The following ZNF638 variants were observed in gnomAD, a reference collection of about 807,000 sequenced individuals.
ZNF638 encodes the protein zinc finger protein 638, also known as CTCL tumor antigen se33-1.
ZNF638 carries 46 observed loss-of-function variants against 195.6 expected under a neutral mutation model. That is an observed-to-expected ratio of 0.24 (90% CI 0.19 to 0.30). ZNF638 has a LOEUF of 0.30. ZNF638 is among the 10% of genes least tolerant of loss of function. The pLI, the probability that ZNF638 is intolerant of heterozygous loss-of-function variation, is 1.00. For missense variants in ZNF638, 2,440 were observed against 2,325.3 expected (o/e 1.05, Z -1.01); for synonymous variants, 845 against 772.0 (o/e 1.09, Z -1.57).
intron 8 of ZNF638, among the ~76,000 whole-genome samples, chr2:71,370,977 G>A (rs2542516): frequency 0.92 from 139,439 of 152,132 alleles, 63,963 homozygotes; most frequent in African/African-American, 0.93. Context: ...TCTACCCCCT[G>A]TTACCCTTCC....
intron 14 of ZNF638, 115 bp downstream of exon 14, chr2:71,400,295 A>G (rs909348384): frequency 2.8e-6 from 3 of 1,060,936 alleles, no homozygotes; most frequent in Middle Eastern, 2.4e-4. Context: ...TGAAATTTTG[A>G]TCTCAGAATG....
intron 1 of ZNF638, among the ~76,000 whole-genome samples, chr2:71,339,978 C>A (rs1216738874): frequency 6.6e-6 from 1 of 152,154 alleles, no homozygotes; most frequent in Non-Finnish European, 1.5e-5. Flanking sequence ...AAAGGTATAT[C>A]TTACAATAGC....
At chr2:71,342,125 G>T (rs954478780) in intron 1 of ZNF638, among the ~76,000 whole-genome samples, 3 of 150,236 alleles carry the variant, frequency 2.0e-5, no homozygotes, top group African/African-American at 7.5e-5. Context: ...TGAGGCTGAG[G>T]CAGGAGAATC....
At chr2:71,339,443 G>A (rs541894779) in intron 1 of ZNF638, among the ~76,000 whole-genome samples, 51 of 152,234 alleles carry the variant, frequency 3.4e-4, no homozygotes, top group African/African-American at 1.2e-3. Flanking sequence ...GAGCCACCGC[G>A]CCCGGCCAGT....
At chr2:71,380,594 A>T (rs765638714) in intron 10 of ZNF638, 29 bp downstream of exon 10, 1 of 1,560,152 alleles carries the variant, frequency 6.4e-7, no homozygotes, top group Non-Finnish European at 8.8e-7. Flanking sequence ...TATTCTTTCA[A>T]ATGAGTGTAT....
rs976728800 is a variant in ZNF638 at position 71,347,573 on chromosome 2, C to T, written c.-202-1180C>T. On this transcript the variant is annotated intron_variant, in intron 1 of 27. Coordinates refer to ENST00000264447, the MANE Select transcript of ZNF638 (RefSeq NM_014497.5). The stretch of plus-strand genomic sequence containing the variant: ...TAGATGCCTCAAGACCTCACATTTT[C>T]CACCATGCATTTCAATCACACATAA... Among the ~76,000 whole-genome samples the T allele has an allele frequency of 2.4e-4, 37 of 152,198 alleles. 1 individual carries two copies. Among genetic ancestry groups the T allele is most frequent in the Non-Finnish European group, 1.5e-5 (1 of 68,040 alleles).
chr2:71,352,494 AT>A (rs70959233), intron 2 of ZNF638, among the ~76,000 whole-genome samples: 10,550 of 53,968 alleles, frequency 0.2, 393 homozygotes, highest in Non-Finnish European at 0.24. Flanking sequence ...AATAAAAAAA[AT>A]AAAAAAAAAA....
Position 71,423,981 on chromosome 2 carries a change from A to G in ZNF638, c.4467A>G (p.Gln1489=), listed in dbSNP as rs2080482893. Reference sequence around the variant, plus strand: ...TGGATTACAGAGATATAACAAAACAATCTCAGGAAACAGAGGCTAGACCTT... The same window carrying G: ...TGGATTACAGAGATATAACAAAACAGTCTCAGGAAACAGAGGCTAGACCTT... The part of the protein sequence containing the change: ...SKLDYRDITK[Q]SQETEARPSI... The change falls in exon 22 of 28, where the codon CAA becomes CAG. Residue 1489 remains glutamine (Q), a synonymous_variant. Transcript: ENST00000264447. 3.1e-6 allele frequency: 5 copies of G among 1,614,144 alleles called. No homozygotes were observed. The highest frequency in any genetic ancestry group is 4.2e-6 in the Non-Finnish European group (5 of 1,180,004).
chr2:71,339,660 TTTGTTG>T (rs869284202), intron 1 of ZNF638, among the ~76,000 whole-genome samples: 1 of 152,150 alleles, frequency 6.6e-6, no homozygotes, highest in Non-Finnish European at 1.5e-5. Context: ...TCCAGTGGCT[TTTGTTG>T]TTGTTGTTGT....
chr2:71,420,002 T>TTA, intron 21 of ZNF638, among the ~76,000 whole-genome samples: 1 of 126,838 alleles, frequency 7.9e-6, no homozygotes, highest in Non-Finnish European at 1.7e-5. Flanking sequence ...TTTTTTTTTT[T>TTA]TAACATTAGA....
intron 27 of ZNF638, among the ~76,000 whole-genome samples, 168 bp from the exon 28 acceptor site, chr2:71,434,574 C>T (rs1201726046): frequency 6.6e-6 from 1 of 152,150 alleles, no homozygotes; most frequent in African/African-American, 2.4e-5. Context: ...GTGTCATAAA[C>T]ATCAAATGAC....
At chr2:71,404,506 T>A (rs1178375189) in intron 17 of ZNF638, among the ~76,000 whole-genome samples, 3 of 152,080 alleles carry the variant, frequency 2.0e-5, no homozygotes, top group Non-Finnish European at 4.4e-5. Flanking sequence ...GCCCAGGACT[T>A]CAGGACCCAA....
chr2:71,397,424 A>G (rs2079915825), intron 11 of ZNF638, among the ~76,000 whole-genome samples: 1 of 152,170 alleles, frequency 6.6e-6, no homozygotes, highest in African/African-American at 2.4e-5. Context: ...TTGAGCAAAG[A>G]TTATGGACTG....
At chr2:71,342,510 T>C (rs1433633822) in intron 1 of ZNF638, among the ~76,000 whole-genome samples, 1 of 152,200 alleles carries the variant, frequency 6.6e-6, no homozygotes. Flanking sequence ...TTGCCTCTTT[T>C]TGCCAGTGCA....
chr2:71,348,591 G>T, intron 1 of ZNF638, 162 bp from the exon 2 acceptor site: 1 of 1,201,036 alleles, frequency 8.3e-7, no homozygotes, highest in Non-Finnish European at 1.0e-6. Flanking sequence ...AGAAGAGAAA[G>T]TTTTTGGGAA....
chr2:71,403,741 A>T, intron 16 of ZNF638, 129 bp from the exon 17 acceptor site: 1 of 577,980 alleles, frequency 1.7e-6, no homozygotes, highest in Non-Finnish European at 2.8e-6. Context: ...GCATTTTTTT[A>T]TCTTTAAAAT....
At chr2:71,360,250 A>G (rs72839793) in intron 3 of ZNF638, among the ~76,000 whole-genome samples, 103 of 152,344 alleles carry the variant, frequency 6.8e-4, no homozygotes, top group Non-Finnish European at 1.2e-3. Flanking sequence ...GCTTTATTAT[A>G]TCTTCATACA....
At chr2:71,396,832 A>T (rs1189204410) in intron 11 of ZNF638, among the ~76,000 whole-genome samples, 1 of 152,160 alleles carries the variant, frequency 6.6e-6, no homozygotes, top group East Asian at 1.9e-4. Context: ...CTGTAATCTC[A>T]GCTACTGGGA....
At chr2:71,356,953 G>A (rs2079034724) in intron 3 of ZNF638, among the ~76,000 whole-genome samples, 1 of 152,082 alleles carries the variant, frequency 6.6e-6, no homozygotes, top group Non-Finnish European at 1.5e-5. Flanking sequence ...TTTTGCATTG[G>A]CCTTATGAAA....
Sources: gnomAD v4.1 joint callset for allele counts (sites outside exome capture counted in the v4.1 genomes callset) on GRCh38, gnomAD v4.1.1 for gene constraint, MANE v1.5 for transcripts, NCBI Gene and HGNC (gene_info 2026-07-23, HGNC 2026-07-21) for gene names.